SNTG1: variants seen among roughly 807,000 people sequenced by gnomAD.
The protein encoded by SNTG1 is syntrophin gamma 1.
Under a neutral mutation model 74.7 loss-of-function variants are expected in SNTG1, and 39 were observed. The observed-to-expected ratio is 0.52, with a 90% CI of 0.40 to 0.68. SNTG1 has a LOEUF of 0.68. Among genes scored for constraint, SNTG1 ranks in the 30% least tolerant of loss-of-function variants. SNTG1 has a pLI of 0.00. For synonymous variants in SNTG1, 254 were observed against 217.1 expected (o/e 1.17, Z -1.49); for missense variants, 685 against 609.5 (o/e 1.12, Z -1.30).
intron 2 of SNTG1, among the ~76,000 whole-genome samples, chr8:50,322,561 T>G (rs1297288310): frequency 6.6e-6 from 1 of 152,200 alleles, no homozygotes; most frequent in African/African-American, 2.4e-5. Flanking sequence ...TGTATTTGAA[T>G]ATTGATATAT....
intron 15 of SNTG1, among the ~76,000 whole-genome samples, chr8:50,686,252 G>A (rs2095352105): frequency 6.6e-6 from 1 of 151,994 alleles, no homozygotes; most frequent in Non-Finnish European, 1.5e-5. Context: ...TAAAAGGAGT[G>A]GTCAAAATTG....
intron 2 of SNTG1, among the ~76,000 whole-genome samples, chr8:50,324,790 A>G (rs2090670881): frequency 6.6e-6 from 1 of 151,826 alleles, no homozygotes; most frequent in Non-Finnish European, 1.5e-5. Context: ...TTCATGAACT[A>G]TGCCTCTGGT....
intron 1 of SNTG1, among the ~76,000 whole-genome samples, chr8:50,075,252 C>T (rs1563555577): frequency 6.6e-6 from 1 of 152,200 alleles, no homozygotes; most frequent in African/African-American, 2.4e-5. Context: ...CAGTGCAGGC[C>T]TGCCCGTGGG....
intron 1 of SNTG1, among the ~76,000 whole-genome samples, chr8:49,989,126 T>A (rs924866349): frequency 2.6e-5 from 4 of 151,938 alleles, no homozygotes; most frequent in Admixed American, 6.6e-5. Context: ...TTAAAAAATG[T>A]AAAGTAGAAG....
At chr8:50,194,070 G>C (rs2083675801) in intron 2 of SNTG1, among the ~76,000 whole-genome samples, 1 of 152,070 alleles carries the variant, frequency 6.6e-6, no homozygotes, top group African/African-American at 2.4e-5. Flanking sequence ...GGATTCTGTA[G>C]CTAGTATTTT....
At chr8:50,524,860 C>A (rs904942013) in intron 9 of SNTG1, among the ~76,000 whole-genome samples, 1 of 152,094 alleles carries the variant, frequency 6.6e-6, no homozygotes, top group Non-Finnish European at 1.5e-5. Context: ...GGAGGAATGA[C>A]TGTATAGTTA....
intron 4 of SNTG1, among the ~76,000 whole-genome samples, chr8:50,415,143 G>T (rs531302694): frequency 6.6e-6 from 1 of 152,044 alleles, no homozygotes. Context: ...GAAATTTTTC[G>T]TGAGTGAACA....
intron 18 of SNTG1, among the ~76,000 whole-genome samples, chr8:50,772,264 A>G (rs1297077742): frequency 1.8e-4 from 27 of 152,230 alleles, no homozygotes; most frequent in East Asian, 1.9e-4. Flanking sequence ...ACTGCCCAAG[A>G]CCTTAGAACA....
At position 50,484,208 on chromosome 8, in the gene SNTG1, C is replaced by CCTTCCTTCCTTCCTTCCTTCCTTT. The variant is rs1311255403; in HGVS notation, c.364-18562_364-18561insCTTCCTTCCTTCCTTTCTTCCTTC. 7.3e-4 allele frequency among the ~76,000 whole-genome samples: 63 copies of CCTTCCTTCCTTCCTTCCTTCCTTT among 86,586 alleles called. 4 individuals carry two copies. Among genetic ancestry groups the CCTTCCTTCCTTCCTTCCTTCCTTT allele is most frequent in the Non-Finnish European group, 1.2e-3 (53 of 44,998 alleles). The allele number at this position is 86,586 out of a possible 152,430, so 56.8% of individuals were successfully genotyped here. On this transcript the variant is annotated intron_variant, in intron 8 of 18. Coordinates refer to ENST00000642720, the MANE Select transcript of SNTG1 (RefSeq NM_018967.5). ...TCCTTCCTTCCTTCCTTCCTTCCTT[C>CCTTCCTTCCTTCCTTCCTTCCTTT]CTTCCTTCTTTCTTTCTTTTTTTTT... is the stretch of plus-strand genomic sequence containing the variant.
chr8:49,989,117 T>A (rs977679833), intron 1 of SNTG1, among the ~76,000 whole-genome samples: 2 of 151,836 alleles, frequency 1.3e-5, no homozygotes, highest in Non-Finnish European at 2.9e-5. Context: ...AAATAAATTT[T>A]AAAAAATGTA....
intron 1 of SNTG1, among the ~76,000 whole-genome samples, chr8:49,960,575 C>G (rs923860010): frequency 6.6e-6 from 1 of 151,648 alleles, no homozygotes; most frequent in Non-Finnish European, 1.5e-5. Flanking sequence ...ATCTAGGGTG[C>G]CTTATAGCCA....
At chr8:50,281,108 A>C (rs745786359) in intron 2 of SNTG1, among the ~76,000 whole-genome samples, 9 of 152,190 alleles carry the variant, frequency 5.9e-5, no homozygotes, top group Non-Finnish European at 1.2e-4. Context: ...ACTATTTCAA[A>C]ATATGTCAAA....
intron 8 of SNTG1, among the ~76,000 whole-genome samples, chr8:50,461,182 T>TGC (rs1042915057): frequency 6.6e-6 from 1 of 151,006 alleles, no homozygotes; most frequent in African/African-American, 2.4e-5. Flanking sequence ...TGTGTGTGTG[T>TGC]GTGTGTGTGT....
At chr8:50,328,761 C>T (rs943843505) in intron 2 of SNTG1, among the ~76,000 whole-genome samples, 17 of 152,082 alleles carry the variant, frequency 1.1e-4, no homozygotes, top group African/African-American at 3.9e-4. Context: ...TGCCCATGGC[C>T]CCTCCCAAAT....
intron 14 of SNTG1, among the ~76,000 whole-genome samples, chr8:50,657,593 C>T (rs2095191333): frequency 1.3e-5 from 2 of 152,026 alleles, no homozygotes; most frequent in African/African-American, 4.8e-5. Context: ...GTCTATCTCA[C>T]CCTATGGTAA....
chr8:50,687,454 C>T (rs1390988474), intron 15 of SNTG1, among the ~76,000 whole-genome samples: 1 of 152,054 alleles, frequency 6.6e-6, no homozygotes, highest in Non-Finnish European at 1.5e-5. Context: ...ACATTTCATG[C>T]AAATAGAAAT....
At chr8:50,485,988 C>T (rs1445402249) in intron 8 of SNTG1, among the ~76,000 whole-genome samples, 36 of 151,504 alleles carry the variant, frequency 2.4e-4, no homozygotes, top group African/African-American at 7.2e-4. Context: ...TGTAGATATG[C>T]GGCGTTATTT....
At chr8:50,677,069 T>C (rs897899006) in intron 15 of SNTG1, among the ~76,000 whole-genome samples, 3 of 152,004 alleles carry the variant, frequency 2.0e-5, no homozygotes, top group Admixed American at 6.6e-5. Flanking sequence ...TATTTCCTCA[T>C]TAAAGTGAGT....
chr8:50,547,135 T>G (rs1471255503), intron 11 of SNTG1, among the ~76,000 whole-genome samples: 1 of 152,144 alleles, frequency 6.6e-6, no homozygotes, highest in Non-Finnish European at 1.5e-5. Flanking sequence ...AGCACCCACG[T>G]CTGATGCGGC....
Sources: gnomAD v4.1 joint callset for allele counts (sites outside exome capture counted in the v4.1 genomes callset) on GRCh38, gnomAD v4.1.1 for gene constraint, MANE v1.5 for transcripts, NCBI Gene and HGNC (gene_info 2026-07-23, HGNC 2026-07-21) for gene names.